The following EYS variants were observed in gnomAD, a reference collection of about 807,000 sequenced individuals.
EYS encodes EGF-like photoreceptor maintenance factor.
Under a neutral mutation model 282.1 loss-of-function variants are expected in EYS, and 250 were observed. The ratio of observed to expected loss-of-function variants is 0.89; its 90% confidence interval spans 0.80 to 0.98. The LOEUF (loss-of-function observed/expected upper bound fraction) is 0.98. Ranked by LOEUF, EYS falls within the 50% of genes least tolerant of loss-of-function variation. EYS has a pLI of 0.00. For missense variants in EYS, 4,016 were observed against 3,709.0 expected (o/e 1.08, Z -2.15); for synonymous variants, 1,355 against 1,282.9 (o/e 1.06, Z -1.20).
chr6:64,292,900 TA>T (rs772100484), intron 30 of EYS, among the ~76,000 whole-genome samples: 2 of 152,132 alleles, frequency 1.3e-5, no homozygotes, highest in African/African-American at 2.4e-5. Flanking sequence ...TCACCATTTA[TA>T]GATGAGGAAA....
chr6:63,981,093 C>T (rs146596503), intron 35 of EYS, among the ~76,000 whole-genome samples: 280 of 151,844 alleles, frequency 1.8e-3, no homozygotes, highest in African/African-American at 6.5e-3. Flanking sequence ...GGTGATGGCC[C>T]TCTGTGTCCT....
intron 22 of EYS, among the ~76,000 whole-genome samples, chr6:64,640,823 G>A (rs1048575500): frequency 2.6e-5 from 4 of 152,034 alleles, no homozygotes; most frequent in Admixed American, 6.6e-5. Flanking sequence ...TTCTTTTCTC[G>A]TTCTTTGTAA....
At chr6:64,066,291 A>G (rs1475810666) in intron 33 of EYS, 47 bp downstream of exon 33, 1 of 1,508,538 alleles carries the variant, frequency 6.6e-7, no homozygotes, top group Non-Finnish European at 8.9e-7. Flanking sequence ...ACAAACGAAC[A>G]AACAAAATTT....
intron 33 of EYS, among the ~76,000 whole-genome samples, chr6:64,029,519 C>A (rs1201155373): frequency 6.6e-6 from 1 of 152,200 alleles, no homozygotes; most frequent in African/African-American, 2.4e-5. Context: ...TTCAAAAATG[C>A]ACGTGTGTGG....
At chr6:64,300,767 C>A (rs970270857) in intron 30 of EYS, among the ~76,000 whole-genome samples, 3 of 152,200 alleles carry the variant, frequency 2.0e-5, no homozygotes, top group Admixed American at 2.0e-4. Flanking sequence ...GATTGGCCTA[C>A]AATCTTTATT....
chr6:64,648,035 C>A (rs942877509), intron 22 of EYS, among the ~76,000 whole-genome samples: 1 of 152,140 alleles, frequency 6.6e-6, no homozygotes, highest in Admixed American at 6.5e-5. Flanking sequence ...ATTGTATAGC[C>A]AGTTATGCTT....
At chr6:64,739,784 G>A (rs1284578976) in intron 22 of EYS, among the ~76,000 whole-genome samples, 3 of 152,060 alleles carry the variant, frequency 2.0e-5, no homozygotes, top group Non-Finnish European at 2.9e-5. Context: ...ATTCTAAAAT[G>A]TAATTTACAT....
chr6:65,607,623 T>C (rs1458197778), intron 2 of EYS, among the ~76,000 whole-genome samples: 2 of 126,250 alleles, frequency 1.6e-5, no homozygotes, highest in East Asian at 4.4e-4. Context: ...TAAATTTATT[T>C]TGCGTACCTT....
intron 13 of EYS, among the ~76,000 whole-genome samples, chr6:65,016,190 C>T (rs1433715524): frequency 6.6e-6 from 1 of 151,250 alleles, no homozygotes; most frequent in Non-Finnish European, 1.5e-5. Context: ...ATGGTGAAAC[C>T]TCGTTTCTAC....
At chr6:64,836,749 A>G (rs1014751734) in intron 19 of EYS, among the ~76,000 whole-genome samples, 1 of 151,642 alleles carries the variant, frequency 6.6e-6, no homozygotes, top group Non-Finnish European at 1.5e-5. Context: ...TAATTTAGAG[A>G]GCAATTTTAG....
intron 14 of EYS, among the ~76,000 whole-genome samples, chr6:64,954,525 AGT>A (rs1293517974): frequency 2.0e-5 from 3 of 152,214 alleles, no homozygotes; most frequent in Non-Finnish European, 2.9e-5. Flanking sequence ...TAAAGATGAC[AGT>A]ATATAAATGT....
chr6:65,253,413 C>T (rs1014638105), intron 12 of EYS, among the ~76,000 whole-genome samples: 3 of 151,814 alleles, frequency 2.0e-5, no homozygotes, highest in Admixed American at 6.6e-5. Context: ...TAAAATTAAA[C>T]GCCCACTGAG....
chr6:64,922,645 G>A (rs1417893748), intron 15 of EYS, among the ~76,000 whole-genome samples: 1 of 152,110 alleles, frequency 6.6e-6, no homozygotes, highest in Non-Finnish European at 1.5e-5. Flanking sequence ...GTATTCACTG[G>A]CCCTTTTGTT....
intron 28 of EYS, among the ~76,000 whole-genome samples, chr6:64,390,350 A>G (rs898956969): frequency 6.6e-6 from 1 of 152,090 alleles, no homozygotes; most frequent in Non-Finnish European, 1.5e-5. Flanking sequence ...GACAGCAGTA[A>G]CCTCTGCAGA....
At chr6:64,151,361 ATAAT>A (rs1774726329) in intron 31 of EYS, among the ~76,000 whole-genome samples, 1 of 85,044 alleles carries the variant, frequency 1.2e-5, no homozygotes, top group Admixed American at 1.1e-4. Context: ...ATATATATAT[ATAAT>A]TTTTTTTTTC....
At chr6:65,101,573 G>A (rs1853166) in intron 12 of EYS, among the ~76,000 whole-genome samples, 5,669 of 151,082 alleles carry the variant, frequency 0.038, 367 homozygotes, top group African/African-American at 0.13. Context: ...ATAATAAATA[G>A]CATTTATTCA....
intron 22 of EYS, among the ~76,000 whole-genome samples, chr6:64,776,564 C>G (rs1250826800): frequency 6.6e-6 from 1 of 151,780 alleles, no homozygotes; most frequent in Admixed American, 6.6e-5. Flanking sequence ...GACTACTGCT[C>G]TTTGTGTGTA....
At chr6:65,180,392 A>G (rs1284878993) in intron 12 of EYS, among the ~76,000 whole-genome samples, 1 of 152,122 alleles carries the variant, frequency 6.6e-6, no homozygotes, top group Non-Finnish European at 1.5e-5. Context: ...AAAAATCACA[A>G]GCATTCTTAT....
Position 64,047,324 on chromosome 6 carries a change from C to T in EYS, c.6725+19014G>A, listed in dbSNP as rs1390805743. Among the ~76,000 whole-genome samples the T allele has an allele frequency of 2.6e-5, 4 of 152,052 alleles. No individual in the cohort carries two copies. In the East Asian group the frequency reaches 7.7e-4, roughly 29 times the overall value. On this transcript the variant is annotated intron_variant, in intron 33 of 42. Transcript: ENST00000503581. ...GGCAAAGAGAGAGAAACAAATGGGA[C>T]CATCATCAGCAAAAAACAACAGAAA... is the stretch of plus-strand genomic sequence containing the variant.
Sources: gnomAD v4.1 joint callset for allele counts (sites outside exome capture counted in the v4.1 genomes callset) on GRCh38, gnomAD v4.1.1 for gene constraint, MANE v1.5 for transcripts, NCBI Gene and HGNC (gene_info 2026-07-23, HGNC 2026-07-21) for gene names.